MGST1: variants seen among roughly 807,000 people sequenced by gnomAD.
The protein encoded by MGST1 is microsomal glutathione S-transferase 1.
A neutral mutation model predicts 8.9 loss-of-function variants in MGST1; 5 were observed. The observed-to-expected ratio is 0.56, with a 90% confidence interval of 0.29 to 1.19. The LOEUF is 1.19. Ranked by LOEUF, MGST1 falls within the 50% of genes most tolerant of loss-of-function variation. The pLI is 0.08. For missense variants in MGST1, 182 were observed against 187.4 expected (o/e 0.97, Z 0.17); for synonymous variants, 54 against 67.8 (o/e 0.80, Z 1.00).
At chr12:16,383,498 G>C (rs1363665986) in exon 1 of MGST1, 1 of 144,280 alleles carries the variant, frequency 6.9e-6, no homozygotes, top group Admixed American at 6.8e-5. Context: ...TTTTGTTCTT[G>C]TTGTCCAGGA....
downstream of MGST1, among the ~76,000 whole-genome samples, chr12:16,440,137 T>A (rs1941026932): frequency 1.3e-5 from 2 of 151,808 alleles, no homozygotes; most frequent in Non-Finnish European, 2.9e-5. Flanking sequence ...TAATTCCTAA[T>A]TTAAATAGAG....
At position 16,401,345 on chromosome 12, in the gene MGST1, A is replaced by C. The variant is rs947446709; in HGVS notation, n.778+17741A>C. On this transcript the variant is annotated intron_variant and non_coding_transcript_variant, in intron 1 of 1. Transcript: ENST00000359720. This position sits in a 1 kb window ranked among gnomAD's most constrained non-coding sequence, Gnocchi z 4.3. ...TGATTTTTACTATTGATTACTAGGA[A>C]GCTTTCATGGAATTCAATTCCCACC... 31 of 1,314,150 alleles carry C rather than the reference A, an allele frequency of 2.4e-5. No individual in the cohort carries two copies. In the African/African-American group the frequency reaches 4.4e-4, roughly 18 times the overall value. 81.4% of individuals were successfully genotyped at this position (1,314,150 alleles called of 1,614,324 possible). A position where few individuals can be genotyped will look rare whatever the true frequency, so the allele number is the denominator to read the frequency against.
At chr12:16,524,256 A>G (rs1396520065) in intron 4 of MGST1, among the ~76,000 whole-genome samples, 12 of 152,092 alleles carry the variant, frequency 7.9e-5, no homozygotes, top group African/African-American at 7.2e-5. Flanking sequence ...ATTCATATCT[A>G]TAAACATTAG....
chr12:16,450,842 G>A (rs1350259694), intron 4 of MGST1, among the ~76,000 whole-genome samples: 2 of 1,052 alleles, frequency 1.9e-3, no homozygotes, highest in African/African-American at 2.6e-3. Flanking sequence ...TATATTCCGT[G>A]TGTGTGTGTG....
chr12:16,567,197 A>AAAAC lies in MGST1; in HGVS notation n.483-22303_483-22300dup, dbSNP rs145977478. 2.8e-3 allele frequency among the ~76,000 whole-genome samples: 424 copies of AAAAC among 151,446 alleles called. 1 individual carries two copies. Among genetic ancestry groups the AAAAC allele is most frequent in the East Asian group, 0.01 (52 of 5,140 alleles). On this transcript the variant is annotated intron_variant and non_coding_transcript_variant, in intron 4 of 4. Transcript: ENST00000538857. ...GGCAATAAGAGTGAAACTCCACCTC[A>AAAAC]AAACAAACAAACAAACAAACAAACA... is the stretch of plus-strand genomic sequence containing the variant.
intron 4 of MGST1, among the ~76,000 whole-genome samples, chr12:16,514,737 G>A (rs1941600942): frequency 6.6e-6 from 1 of 152,206 alleles, no homozygotes; most frequent in South Asian, 2.1e-4. Flanking sequence ...GAGCTTCACA[G>A]AGGATGAGAG....
At chr12:16,423,114 A>G (rs1023641032) in intron 1 of MGST1, among the ~76,000 whole-genome samples, 2 of 152,210 alleles carry the variant, frequency 1.3e-5, no homozygotes, top group African/African-American at 4.8e-5. Context: ...ACCTGGAGCA[A>G]TCAGAGGGCT....
chr12:16,577,575 A>G (rs2137504593), intron 4 of MGST1, among the ~76,000 whole-genome samples: 1 of 152,354 alleles, frequency 6.6e-6, no homozygotes, highest in East Asian at 1.9e-4. Context: ...AAAACAAATA[A>G]GAATTTCCCC....
chr12:16,553,479 G>T (rs1453849044), intron 4 of MGST1, among the ~76,000 whole-genome samples: 1 of 152,076 alleles, frequency 6.6e-6, no homozygotes, highest in Non-Finnish European at 1.5e-5. Flanking sequence ...GAGGCAGAGC[G>T]AGAGAGAGAC....
intron 4 of MGST1, among the ~76,000 whole-genome samples, chr12:16,558,642 G>A (rs1355580425): frequency 6.6e-6 from 1 of 152,154 alleles, no homozygotes; most frequent in Non-Finnish European, 1.5e-5. Context: ...TACTTGCTGG[G>A]AAGAGTCAAG....
At chr12:16,393,929 A>C (rs561448243) in intron 1 of MGST1, among the ~76,000 whole-genome samples, 4 of 152,346 alleles carry the variant, frequency 2.6e-5, no homozygotes, top group African/African-American at 9.6e-5. Flanking sequence ...CCAGTTTATG[A>C]ACATTTAGGC....
chr12:16,355,731 G>C (rs1283786297), intron 2 of MGST1, among the ~76,000 whole-genome samples: 2 of 152,200 alleles, frequency 1.3e-5, no homozygotes, highest in African/African-American at 2.4e-5. Context: ...TGTGTGCTTG[G>C]TCATGCAGTC....
At chr12:16,474,738 A>G (rs947247963) in intron 4 of MGST1, among the ~76,000 whole-genome samples, 1 of 152,210 alleles carries the variant, frequency 6.6e-6, no homozygotes, top group Non-Finnish European at 1.5e-5. Context: ...CGAGAGCAAT[A>G]ACAGTAATAT....
chr12:16,525,257 C>T (rs557001545), intron 4 of MGST1, among the ~76,000 whole-genome samples: 2 of 149,768 alleles, frequency 1.3e-5, no homozygotes, highest in Admixed American at 1.3e-4. Flanking sequence ...AACTCGTCAT[C>T]TAGCATTAGG....
At chr12:16,378,046 G>A (rs929088555), downstream of MGST1, among the ~76,000 whole-genome samples, 5 of 151,650 alleles carry the variant, frequency 3.3e-5, no homozygotes, top group Non-Finnish European at 5.9e-5. Flanking sequence ...CTGGATATTA[G>A]CCCTTTGTCA....
At chr12:16,377,826 A>G (rs1397567375), downstream of MGST1, among the ~76,000 whole-genome samples, 1 of 150,236 alleles carries the variant, frequency 6.7e-6, no homozygotes, top group Non-Finnish European at 1.5e-5. Flanking sequence ...TGACTTTCTA[A>G]TGATCGCCAT....
intron 4 of MGST1, among the ~76,000 whole-genome samples, chr12:16,526,787 G>C (rs927329751): frequency 2.0e-5 from 3 of 152,004 alleles, no homozygotes; most frequent in Non-Finnish European, 4.4e-5. Flanking sequence ...CAGGAAGGGA[G>C]AAGCCCTGTT....
chr12:16,515,807 C>G (rs1941610117), intron 4 of MGST1, among the ~76,000 whole-genome samples: 1 of 152,058 alleles, frequency 6.6e-6, no homozygotes, highest in Admixed American at 6.5e-5. Flanking sequence ...ACCAGTTGGA[C>G]CTCCTCCCTT....
chr12:16,446,463 T>G (rs1941080553), intron 4 of MGST1, among the ~76,000 whole-genome samples: 1 of 152,034 alleles, frequency 6.6e-6, no homozygotes, highest in Middle Eastern at 3.4e-3. Flanking sequence ...TTCCTGCATT[T>G]TTTTTGGTTA....
Sources: gnomAD v4.1 joint callset for allele counts (sites outside exome capture counted in the v4.1 genomes callset) on GRCh38, gnomAD v4.1.1 for gene constraint, Gnocchi (gnomAD v3.1) non-coding constraint, MANE v1.5 for transcripts, NCBI Gene and HGNC (gene_info 2026-07-23, HGNC 2026-07-21) for gene names.